Variants in ANAPC1 observed in about 807,000 individuals in gnomAD.
The protein encoded by ANAPC1 is anaphase-promoting complex subunit 1.
Under a neutral mutation model 208.0 loss-of-function variants are expected in ANAPC1, and 36 were observed. That is an observed-to-expected ratio of 0.17 (90% confidence interval 0.13 to 0.23). The LOEUF is 0.23. Ranked by LOEUF, ANAPC1 falls within the 10% of genes least tolerant of loss-of-function variation. The pLI is 1.00. For synonymous variants in ANAPC1, 378 were observed against 695.2 expected, an observed-to-expected ratio of 0.54 and a Z score of 7.18; for missense variants, 942 against 2,011.6, an observed-to-expected ratio of 0.47 and a Z score of 10.17.
At chr2:111,867,675 G>T (rs567731193) in intron 7 of ANAPC1, among the ~76,000 whole-genome samples, 2 of 140,074 alleles carry the variant, frequency 1.4e-5, no homozygotes, top group African/African-American at 5.4e-5. Flanking sequence ...CTGGGCCACA[G>T]AGCAAGACCC....
In ANAPC1 at chr2:111,881,805, A is replaced by G. The variant is rs539999483; in HGVS notation, c.-24-956T>C. Among the ~76,000 whole-genome samples the G allele has an allele frequency of 5.0e-3, 762 of 152,326 alleles. 4 individuals carry two copies. The highest frequency in any genetic ancestry group is 0.018 in the African/African-American group (735 of 41,576). On this transcript the variant is annotated intron_variant, in intron 1 of 47. Transcript: ENST00000341068. The stretch of plus-strand genomic sequence containing the variant: ...TAAGACCCCATCAAGGAACCACATT[A>G]GCATGAGAATGTGGTTTATCTCTCT...
chr2:111,845,529 A>C (rs1490177732), intron 16 of ANAPC1, among the ~76,000 whole-genome samples: 1 of 152,240 alleles, frequency 6.6e-6, no homozygotes, highest in African/African-American at 2.4e-5. Flanking sequence ...TAAAGTACAT[A>C]AACTTATGTG....
rs968396060 is a variant in ANAPC1 at position 111,840,860 on chromosome 2, C to T, written c.2041-2348G>A. ...GAGTTTAAAACCATCATAGCCGACA[C>T]GGCAAAACCCCGTCTCTACTAAAAA... On this transcript the variant is annotated intron_variant, in intron 17 of 47. Coordinates refer to ENST00000341068, the MANE Select transcript of ANAPC1 (RefSeq NM_022662.4). Among the ~76,000 whole-genome samples the T allele has an allele frequency of 1.6e-4, 25 of 152,238 alleles. No individual in the cohort carries two copies. In the Middle Eastern group the frequency reaches 0.017, roughly 104 times the overall value.
chr2:111,808,025 A>T (rs185824255), intron 29 of ANAPC1, among the ~76,000 whole-genome samples: 3 of 147,062 alleles, frequency 2.0e-5, no homozygotes, highest in African/African-American at 7.4e-5. Context: ...TATGGGTCCC[A>T]ATCTTCACTG....
At chr2:111,794,621 A>G (rs191218444) in intron 35 of ANAPC1, among the ~76,000 whole-genome samples, 197 bp downstream of exon 35, 3 of 152,354 alleles carry the variant, frequency 2.0e-5, no homozygotes, top group East Asian at 1.9e-4. Context: ...TAAATCTCCA[A>G]TATTGCTTTT....
At chr2:111,853,215 C>T (rs1379642825) in intron 13 of ANAPC1, among the ~76,000 whole-genome samples, 2 of 152,132 alleles carry the variant, frequency 1.3e-5, no homozygotes, top group Non-Finnish European at 1.5e-5. Flanking sequence ...CATCCTTTAA[C>T]TTACCCATGT....
intron 13 of ANAPC1, among the ~76,000 whole-genome samples, chr2:111,852,309 GTA>G (rs1436976873): frequency 2.7e-5 from 4 of 148,416 alleles, no homozygotes; most frequent in African/African-American, 9.9e-5. Context: ...GATTCCTTAC[GTA>G]ACCAGGCCTT....
chr2:111,878,677 T>C (rs1039087455), intron 3 of ANAPC1, 133 bp downstream of exon 3: 13 of 1,311,628 alleles, frequency 9.9e-6, no homozygotes, highest in Admixed American at 5.3e-5. Context: ...CATTATATTA[T>C]GTCATGTTAC....
intron 4 of ANAPC1, 44 bp downstream of exon 4, chr2:111,873,569 T>A: frequency 2.0e-6 from 3 of 1,517,940 alleles, no homozygotes; most frequent in Non-Finnish European, 1.8e-6. Flanking sequence ...AGATAAATAT[T>A]TGGAATCATC....
intron 1 of ANAPC1, among the ~76,000 whole-genome samples, chr2:111,882,575 CAA>C (rs750226960): frequency 2.2e-5 from 3 of 136,744 alleles, no homozygotes; most frequent in Non-Finnish European, 3.2e-5. Context: ...ACTAAAAATA[CAA>C]AAAAAAAAAA....
rs1397097984 is a variant in ANAPC1, at chr2:111,863,702, G to A, written c.1025C>T (p.Pro342Leu). The A allele has an allele frequency of 6.2e-7, 1 of 1,613,824 alleles. No individual in the cohort carries two copies. Among genetic ancestry groups the A allele is most frequent in the Non-Finnish European group, 8.5e-7 (1 of 1,179,752 alleles). ...TAGAGCTGCCATGTTGGAAATAGAA[G>A]GTGAGCGAGAATGTAGACTGGGTGA... ...TSSPSLHSRS[P>L]SISNMAALSR... The change falls in exon 9 of 48, where the codon CCT (proline) becomes CTT (leucine). Residue 342 changes from proline to leucine, a missense_variant. Coordinates refer to ENST00000341068, the MANE Select transcript of ANAPC1 (RefSeq NM_022662.4).
chr2:111,806,835 C>T (rs1353078808), intron 29 of ANAPC1, among the ~76,000 whole-genome samples: 1 of 151,276 alleles, frequency 6.6e-6, no homozygotes, highest in Non-Finnish European at 1.5e-5. Context: ...TATTAAAACC[C>T]TTCCCTCTGA....
intron 32 of ANAPC1, 26 bp from the exon 33 acceptor site, chr2:111,802,532 CA>C: frequency 1.6e-6 from 1 of 611,066 alleles, no homozygotes; most frequent in Non-Finnish European, 3.0e-6. Context: ...AACAGTAAGG[CA>C]CACTGTTCAA....
At chr2:111,869,750 A>C (rs1236798352) in intron 6 of ANAPC1, among the ~76,000 whole-genome samples, 1 of 152,170 alleles carries the variant, frequency 6.6e-6, no homozygotes, top group Non-Finnish European at 1.5e-5. Flanking sequence ...TGGGGGTACA[A>C]GTGGCTTTTG....
rs189195556 is a variant in ANAPC1, at chr2:111,882,170, C to T, written c.-24-1321G>A. Among the ~76,000 whole-genome samples, 417 of 150,700 alleles carry T rather than the reference C, an allele frequency of 2.8e-3. 1 individual carries two copies. Among genetic ancestry groups the T allele is most frequent in the African/African-American group, 9.6e-3 (393 of 41,060 alleles). ...TTGTACTCCAGCCTGGGCAACAGAG[C>T]AAGACTCTGTCTCAAAAAAAAAACC... On this transcript the variant is annotated intron_variant, in intron 1 of 47. Coordinates refer to ENST00000341068, the MANE Select transcript of ANAPC1 (RefSeq NM_022662.4).
At chr2:111,874,019 C>A (rs1573517042) in intron 3 of ANAPC1, among the ~76,000 whole-genome samples, 1 of 151,944 alleles carries the variant, frequency 6.6e-6, no homozygotes, top group Non-Finnish European at 1.5e-5. Flanking sequence ...CATACTAAAC[C>A]CTATATCCTC....
intron 42 of ANAPC1, among the ~76,000 whole-genome samples, chr2:111,783,082 C>G (rs554480127): frequency 6.6e-6 from 1 of 151,962 alleles, no homozygotes; most frequent in Non-Finnish European, 1.5e-5. Context: ...CCAAAATAAA[C>G]TGGCTGAGTA....
At chr2:111,846,104 C>T (rs1681047174) in intron 16 of ANAPC1, among the ~76,000 whole-genome samples, 1 of 152,110 alleles carries the variant, frequency 6.6e-6, no homozygotes, top group African/African-American at 2.4e-5. Context: ...TGCCAATGTC[C>T]TGCTTTGGCA....
At chr2:111,842,473 C>T (rs1185253300) in intron 17 of ANAPC1, among the ~76,000 whole-genome samples, 4 of 151,974 alleles carry the variant, frequency 2.6e-5, no homozygotes, top group Non-Finnish European at 5.9e-5. Context: ...GAAACCCCGT[C>T]TCTACTAAAA....
Sources: gnomAD v4.1 joint callset for allele counts (sites outside exome capture counted in the v4.1 genomes callset) on GRCh38, gnomAD v4.1.1 for gene constraint, MANE v1.5 for transcripts, NCBI Gene and HGNC (gene_info 2026-07-23, HGNC 2026-07-21) for gene names.